Variants in MBNL1 observed in about 807,000 individuals in gnomAD.
MBNL1 encodes the protein muscleblind like splicing regulator 1.
MBNL1 carries 8 observed loss-of-function variants against 42.2 expected under a neutral mutation model. The observed-to-expected ratio is 0.19, with a 90% confidence interval of 0.11 to 0.34. The LOEUF (loss-of-function observed/expected upper bound fraction) is 0.34. Ranked by LOEUF, MBNL1 falls within the 10% of genes least tolerant of loss-of-function variation. MBNL1 has a pLI of 1.00. For synonymous variants in MBNL1, 169 were observed against 173.9 expected (o/e 0.97, Z 0.22); for missense variants, 309 against 495.3 (o/e 0.62, Z 3.57).
At chr3:152,330,682 G>A (rs1052879722) in intron 2 of MBNL1, among the ~76,000 whole-genome samples, 3 of 152,120 alleles carry the variant, frequency 2.0e-5, no homozygotes, top group African/African-American at 7.2e-5. Flanking sequence ...GGTACAACAC[G>A]ATAAGATATT....
At chr3:152,445,629 C>CT (rs1198288074) in intron 5 of MBNL1, 90 bp downstream of exon 5, 7 of 1,398,060 alleles carry the variant, frequency 5.0e-6, no homozygotes, top group Non-Finnish European at 6.8e-6. Flanking sequence ...ATTTAGTAAC[C>CT]TTTTTAAAAA....
intron 4 of MBNL1, among the ~76,000 whole-genome samples, chr3:152,436,581 A>C (rs1033470816): frequency 6.6e-6 from 1 of 152,208 alleles, no homozygotes; most frequent in African/African-American, 2.4e-5. Flanking sequence ...TTGATTGATT[A>C]GTGGGATCCA....
At chr3:152,354,747 T>A (rs980358607) in intron 2 of MBNL1, among the ~76,000 whole-genome samples, 1 of 152,148 alleles carries the variant, frequency 6.6e-6, no homozygotes, top group African/African-American at 2.4e-5. Context: ...TGTTTAATCA[T>A]GTTGTAGAAT....
At chr3:152,441,264 A>C (rs1361352716) in intron 4 of MBNL1, among the ~76,000 whole-genome samples, 1 of 151,972 alleles carries the variant, frequency 6.6e-6, no homozygotes, top group African/African-American at 2.4e-5. Flanking sequence ...ACTACTTATA[A>C]AACTTACGTT....
At chr3:152,422,253 C>A (rs1180006301) in intron 3 of MBNL1, among the ~76,000 whole-genome samples, 1 of 113,764 alleles carries the variant, frequency 8.8e-6, no homozygotes, top group Non-Finnish European at 1.8e-5. Context: ...GAATATTTAC[C>A]AAGCAAATGG....
intron 2 of MBNL1, among the ~76,000 whole-genome samples, chr3:152,406,150 A>G (rs765810189): frequency 1.2e-4 from 19 of 152,176 alleles, no homozygotes; most frequent in Non-Finnish European, 1.9e-4. Context: ...TTTGGAGCCT[A>G]TGAAGACTAT....
chr3:152,356,951 T>TATCAAATG (rs770569439), intron 2 of MBNL1, among the ~76,000 whole-genome samples: 6 of 151,876 alleles, frequency 4.0e-5, no homozygotes, highest in Non-Finnish European at 8.8e-5. Context: ...ATACTTATAA[T>TATCAAATG]ATCAAATGTG....
At chr3:152,402,406 G>A (rs187223108) in intron 2 of MBNL1, among the ~76,000 whole-genome samples, 2 of 152,320 alleles carry the variant, frequency 1.3e-5, no homozygotes, top group African/African-American at 4.8e-5. Context: ...AAGTCTCACT[G>A]TTCATAAATA....
Position 152,464,430 on chromosome 3 carries a change from A to G in MBNL1, c.*2064A>G, listed in dbSNP as rs1749318727. ...GATCTTTTATATGGATATCTTATAA[A>G]TATATAATCATTGCTAAGTAAGAAG... is the stretch of plus-strand genomic sequence containing the variant. On this transcript the variant is annotated 3_prime_UTR_variant, in exon 10 of 10. Coordinates refer to ENST00000324210, the MANE Select transcript of MBNL1 (RefSeq NM_021038.5). 2 of 152,554 alleles carry G rather than the reference A, an allele frequency of 1.3e-5. No individual in the cohort carries two copies. 9.5% of individuals were successfully genotyped at this position (152,554 alleles called of 1,614,324 possible).
chr3:152,391,325 A>G (rs1361827185), intron 2 of MBNL1, among the ~76,000 whole-genome samples: 1 of 152,236 alleles, frequency 6.6e-6, no homozygotes. Context: ...TAATGATTCT[A>G]AGTTTGAACC....
In MBNL1 at chr3:152,445,646, T is replaced by TG. The variant is rs1375595470; in HGVS notation, c.807+108dup. On this transcript the variant is annotated intron_variant, in intron 5 of 9. Transcript: ENST00000324210. ...TTAGTAACCTTTTTAAAAAAATTGC[T>TG]GAAGATATGTTTGTTCAGGTATCCC... 8.8e-6 allele frequency: 11 copies of TG among 1,244,716 alleles called. No individual in the cohort carries two copies. The Admixed American group carries it at 1.7e-4, about 19-fold the overall frequency. The allele number at this position is 1,244,716 out of a possible 1,614,324, so 77.1% of individuals were successfully genotyped here. A position where few individuals can be genotyped will look rare whatever the true frequency, so the allele number is the denominator to read the frequency against.
intron 2 of MBNL1, among the ~76,000 whole-genome samples, chr3:152,347,290 T>C (rs193200798): frequency 6.6e-6 from 1 of 152,090 alleles, no homozygotes; most frequent in East Asian, 1.9e-4. Context: ...TATTTAAAAA[T>C]ATTTTCCATG....
At chr3:152,345,786 C>T (rs560299837) in intron 2 of MBNL1, among the ~76,000 whole-genome samples, 5 of 152,098 alleles carry the variant, frequency 3.3e-5, no homozygotes, top group African/African-American at 9.6e-5. Context: ...CTAGTTCTGC[C>T]GTTTACTGGT....
chr3:152,435,856 G>T (rs1228732000), intron 4 of MBNL1, among the ~76,000 whole-genome samples: 1 of 152,122 alleles, frequency 6.6e-6, no homozygotes, highest in Non-Finnish European at 1.5e-5. Flanking sequence ...GATGTTGCTG[G>T]TTTATAGGAA....
intron 8 of MBNL1, chr3:152,458,129 G>A: frequency 6.2e-7 from 1 of 1,613,734 alleles, no homozygotes; most frequent in African/African-American, 1.3e-5. Flanking sequence ...TGTTTCGACA[G>A]CCCCATCCTT....
chr3:152,297,589 C>T (rs545533227), intron 1 of MBNL1, among the ~76,000 whole-genome samples: 6 of 152,044 alleles, frequency 3.9e-5, no homozygotes, highest in East Asian at 3.9e-4. Flanking sequence ...CACCTGACCT[C>T]GTGATCTGCC....
intron 2 of MBNL1, chr3:152,341,124 C>G (rs1048045069): frequency 2.1e-5 from 10 of 480,590 alleles, no homozygotes; most frequent in African/African-American, 1.8e-4. Context: ...TTTTGAAGTG[C>G]ATTAAAATGG....
At chr3:152,433,205 C>G (rs1034697426) in intron 4 of MBNL1, among the ~76,000 whole-genome samples, 3 of 152,162 alleles carry the variant, frequency 2.0e-5, no homozygotes, top group South Asian at 4.1e-4. Context: ...ATCTTTAAAA[C>G]GGCGCTTACC....
At chr3:152,250,088 A>C (rs934065176) in intron 2 of MBNL1, among the ~76,000 whole-genome samples, 2 of 152,066 alleles carry the variant, frequency 1.3e-5, no homozygotes, top group Non-Finnish European at 2.9e-5. Flanking sequence ...CTTAGGATTT[A>C]CTTGGCGATG....
Sources: gnomAD v4.1 joint callset for allele counts (sites outside exome capture counted in the v4.1 genomes callset) on GRCh38, gnomAD v4.1.1 for gene constraint, MANE v1.5 for transcripts, NCBI Gene and HGNC (gene_info 2026-07-23, HGNC 2026-07-21) for gene names.